The following SKAP1 variants were observed in gnomAD, a reference collection of about 807,000 sequenced individuals.
SKAP1 encodes src kinase-associated phosphoprotein 1.
A neutral mutation model predicts 58.5 loss-of-function variants in SKAP1; 44 were observed. The observed-to-expected ratio is 0.75, with a 90% CI of 0.59 to 0.97. The LOEUF is 0.97. SKAP1 is among the 50% of genes least tolerant of loss of function. The pLI is 0.00. For missense variants in SKAP1, 390 were observed against 435.2 expected, an observed-to-expected ratio of 0.90 and a Z score of 0.92; for synonymous variants, 127 against 149.7, an observed-to-expected ratio of 0.85 and a Z score of 1.11.
chr17:48,279,307 A>C (rs1222203011), intron 4 of SKAP1, among the ~76,000 whole-genome samples: 1 of 152,170 alleles, frequency 6.6e-6, no homozygotes, highest in East Asian at 1.9e-4. Context: ...AATAAAATTC[A>C]CCGGTTCAGC....
chr17:48,384,496 C>T (rs1177937247), intron 2 of SKAP1, among the ~76,000 whole-genome samples: 1 of 152,084 alleles, frequency 6.6e-6, no homozygotes, highest in Non-Finnish European at 1.5e-5. Flanking sequence ...TTGTGCAGGG[C>T]CCAACGATGA....
chr17:48,250,356 A>G (rs1441668848), intron 4 of SKAP1, among the ~76,000 whole-genome samples: 1 of 129,414 alleles, frequency 7.7e-6, no homozygotes, highest in African/African-American at 3.0e-5. Context: ...ATCTCAGTTC[A>G]CTGCAACCTC....
At chr17:48,229,361 C>G (rs998955505) in intron 4 of SKAP1, among the ~76,000 whole-genome samples, 1 of 152,148 alleles carries the variant, frequency 6.6e-6, no homozygotes, top group Non-Finnish European at 1.5e-5. Context: ...TGGCTCACAC[C>G]TGTAATCCCA....
chr17:48,391,666 A>G (rs575904822), intron 2 of SKAP1, among the ~76,000 whole-genome samples: 1 of 152,290 alleles, frequency 6.6e-6, no homozygotes, highest in South Asian at 2.1e-4. Flanking sequence ...AGGGAGGGAT[A>G]AGACTGAAAA....
intron 4 of SKAP1, among the ~76,000 whole-genome samples, chr17:48,306,643 A>C (rs1043646379): frequency 6.6e-6 from 1 of 152,226 alleles, no homozygotes; most frequent in Non-Finnish European, 1.5e-5. Flanking sequence ...TTACCATAGT[A>C]GGTATTCAAC....
intron 4 of SKAP1, among the ~76,000 whole-genome samples, chr17:48,215,573 G>T (rs1042065479): frequency 2.6e-5 from 4 of 152,170 alleles, no homozygotes; most frequent in African/African-American, 9.7e-5. Flanking sequence ...TGTCAGATCA[G>T]CCTGTTGTGA....
intron 11 of SKAP1, among the ~76,000 whole-genome samples, chr17:48,149,992 A>T (rs1247196626): frequency 6.6e-6 from 1 of 152,032 alleles, no homozygotes; most frequent in Non-Finnish European, 1.5e-5. Context: ...TTTCTAACAC[A>T]CTCAATTTCC....
At chr17:48,385,208 A>G (rs554604370) in intron 2 of SKAP1, among the ~76,000 whole-genome samples, 47 of 152,302 alleles carry the variant, frequency 3.1e-4, no homozygotes, top group Admixed American at 7.2e-4. Context: ...GTTGCTCAAT[A>G]GGAGCAGAAG....
chr17:48,443,272 A>G, the SKAP1 span, among the ~76,000 whole-genome samples: 1 of 152,226 alleles, frequency 6.6e-6, no homozygotes, highest in Non-Finnish European at 1.5e-5. Context: ...TAAAATTATT[A>G]AAAGTAATGG....
intron 9 of SKAP1, among the ~76,000 whole-genome samples, chr17:48,176,977 A>T (rs184423785): frequency 1.3e-5 from 2 of 152,172 alleles, no homozygotes; most frequent in Non-Finnish European, 2.9e-5. Flanking sequence ...CGTCAATGTT[A>T]AATATCCTCC....
intron 1 of SKAP1, among the ~76,000 whole-genome samples, chr17:48,404,630 T>C (rs2144558484): frequency 6.6e-6 from 1 of 152,312 alleles, no homozygotes; most frequent in East Asian, 1.9e-4. Flanking sequence ...GGTTTAATTA[T>C]GATTTTTTGA....
intron 3 of SKAP1, among the ~76,000 whole-genome samples, chr17:48,361,051 A>T (rs1267042866): frequency 1.3e-5 from 2 of 149,362 alleles, no homozygotes; most frequent in Non-Finnish European, 3.0e-5. Flanking sequence ...GATAGTGGTG[A>T]TGGTTGCACA....
At chr17:48,413,542 A>T (rs1160433877) in intron 1 of SKAP1, among the ~76,000 whole-genome samples, 13 of 138,016 alleles carry the variant, frequency 9.4e-5, no homozygotes, top group Admixed American at 6.8e-4. Context: ...ATATATATAT[A>T]TTTGCTCTTC....
At chr17:48,218,795 C>A (rs2064970004) in intron 4 of SKAP1, among the ~76,000 whole-genome samples, 1 of 152,086 alleles carries the variant, frequency 6.6e-6, no homozygotes, top group African/African-American at 2.4e-5. Context: ...GAAAGAAAAT[C>A]ATTATCCTGT....
At chr17:48,171,945 G>A (rs1012130445) in intron 9 of SKAP1, among the ~76,000 whole-genome samples, 2 of 151,924 alleles carry the variant, frequency 1.3e-5, no homozygotes, top group South Asian at 2.1e-4. Flanking sequence ...CTGTAACCCC[G>A]GCTACTCAGG....
intron 4 of SKAP1, among the ~76,000 whole-genome samples, chr17:48,248,296 GT>G (rs2143858160): frequency 6.6e-6 from 1 of 152,316 alleles, no homozygotes; most frequent in African/African-American, 2.4e-5. Context: ...ATGGGCACAG[GT>G]GGCTCATGCT....
chr17:48,304,406 G>C (rs953743190), intron 4 of SKAP1, among the ~76,000 whole-genome samples: 2 of 152,194 alleles, frequency 1.3e-5, no homozygotes, highest in African/African-American at 4.8e-5. Context: ...AAAAGTGTGG[G>C]AGAATGATGG....
At position 48,345,924 on chromosome 17, in the gene SKAP1, CA is replaced by C; in HGVS notation, c.260del (p.Leu87CysfsTer13). ...GLSLTSDAPF[L>X]SDYQDEGMED... ...ACTCACCCTCATCCTGATAATCTGACAAAAAGGGTGCATCGGATGTGAGGGA... is the reference window on the plus strand; with the variant it reads ...ACTCACCCTCATCCTGATAATCTGACAAAAGGGTGCATCGGATGTGAGGGA... On this transcript the variant is annotated frameshift_variant, in exon 4 of 13. Transcript: ENST00000336915. LOFTEE classifies it high-confidence loss of function. 6.2e-7 allele frequency: 1 copy of C among 1,613,032 alleles called. No individual in the cohort carries two copies. Among genetic ancestry groups the C allele is most frequent in the Non-Finnish European group, 8.5e-7 (1 of 1,179,284 alleles).
chr17:48,281,495 C>T (rs2065766873), intron 4 of SKAP1, among the ~76,000 whole-genome samples: 1 of 152,188 alleles, frequency 6.6e-6, no homozygotes, highest in South Asian at 2.1e-4. Context: ...CTCATTTAGG[C>T]TGGCAGGCAG....
Sources: gnomAD v4.1 joint callset for allele counts (sites outside exome capture counted in the v4.1 genomes callset) on GRCh38, gnomAD v4.1.1 for gene constraint, MANE v1.5 for transcripts, NCBI Gene and HGNC (gene_info 2026-07-23, HGNC 2026-07-21) for gene names.